The following LRP1B variants were observed in gnomAD, a reference collection of about 807,000 sequenced individuals.
LRP1B encodes the protein LDL receptor related protein 1B.
In LRP1B, 217 loss-of-function variants were observed where a neutral mutation model predicts 556.6. The ratio of observed to expected loss-of-function variants is 0.39; its 90% CI spans 0.35 to 0.44. The LOEUF (loss-of-function observed/expected upper bound fraction) is 0.44. Ranked by LOEUF, LRP1B falls within the 20% of genes least tolerant of loss-of-function variation. The pLI, the probability that LRP1B is intolerant of heterozygous loss-of-function variation, is 1.00. For synonymous variants in LRP1B, 2,047 were observed against 1,865.8 expected (o/e 1.10, Z -2.50); for missense variants, 5,053 against 5,620.8 (o/e 0.90, Z 3.23).
intron 2 of LRP1B, among the ~76,000 whole-genome samples, chr2:141,657,736 T>C (rs1036909160): frequency 6.6e-6 from 1 of 152,194 alleles, no homozygotes; most frequent in African/African-American, 2.4e-5. Flanking sequence ...TGTGTGTATC[T>C]GTGTGATTGT....
chr2:141,471,180 C>T (rs1451675641), intron 3 of LRP1B, among the ~76,000 whole-genome samples: 1 of 151,564 alleles, frequency 6.6e-6, no homozygotes, highest in Non-Finnish European at 1.5e-5. Context: ...ACCTGCTACA[C>T]ATATGCAACA....
rs969923498 is a variant in LRP1B, at chr2:141,726,660, A to G, written c.205+83619T>C. Among the ~76,000 whole-genome samples, 9 of 152,242 alleles carry G rather than the reference A, an allele frequency of 5.9e-5. No homozygotes were observed. The East Asian group carries it at 1.7e-3, about 29-fold the overall frequency. On this transcript the variant is annotated intron_variant, in intron 2 of 90. Coordinates refer to ENST00000389484, the MANE Select transcript of LRP1B (RefSeq NM_018557.3). ...TTGTAACTATCCAGAGAGTACTGGA[A>G]TCAAAAGCAATAAAGTCTGGTGGCT...
chr2:141,416,844 C>G (rs1691127076), intron 3 of LRP1B, among the ~76,000 whole-genome samples: 1 of 152,140 alleles, frequency 6.6e-6, no homozygotes, highest in Non-Finnish European at 1.5e-5. Context: ...TTGACCCTCT[C>G]CCTAGCCCTG....
chr2:141,551,205 T>C (rs534167470), intron 2 of LRP1B, among the ~76,000 whole-genome samples: 6 of 152,090 alleles, frequency 3.9e-5, no homozygotes, highest in African/African-American at 9.6e-5. Context: ...ATTGTGATAA[T>C]TGAAATAAAA....
In LRP1B at chr2:140,702,314, A is replaced by G. The variant is rs767833438; in HGVS notation, c.6151-22T>C. 45 of 1,611,468 alleles carry G rather than the reference A, an allele frequency of 2.8e-5. No individual in the cohort carries two copies. The African/African-American group carries it at 3.5e-4, about 12-fold the overall frequency. ...TTTCCTAAATATCGATTAAGAAGTA[A>G]CGTTACAGACTATATTTGATTGTTT... On this transcript the variant is annotated intron_variant, in intron 38 of 90. Coordinates refer to ENST00000389484, the MANE Select transcript of LRP1B (RefSeq NM_018557.3).
intron 1 of LRP1B, among the ~76,000 whole-genome samples, chr2:142,107,021 A>T (rs1043819783): frequency 2.0e-5 from 3 of 152,102 alleles, no homozygotes; most frequent in African/African-American, 2.4e-5. Flanking sequence ...TATAAAATTC[A>T]TATGTTTTTT....
chr2:141,901,121 G>A (rs1699606852), intron 1 of LRP1B, among the ~76,000 whole-genome samples: 1 of 152,022 alleles, frequency 6.6e-6, no homozygotes, highest in South Asian at 2.1e-4. Context: ...TATTCACTGA[G>A]CTCTTTCTCT....
Position 142,126,113 on chromosome 2 carries a change from C to T in LRP1B, c.82+4535G>A, listed in dbSNP as rs533835265. The stretch of plus-strand genomic sequence containing the variant: ...CTTCAAATTATAAGCATTGGGTATA[C>T]CATAATTATATTCATTTCAAAAGCA... On this transcript the variant is annotated intron_variant, in intron 1 of 90. Coordinates refer to ENST00000389484, the MANE Select transcript of LRP1B (RefSeq NM_018557.3). 6.1e-4 allele frequency among the ~76,000 whole-genome samples: 92 copies of T among 151,882 alleles called. 2 individuals are homozygous for T. The South Asian group carries it at 0.018, about 30-fold the overall frequency.
At chr2:140,599,750 G>T (rs1311496455) in intron 42 of LRP1B, among the ~76,000 whole-genome samples, 1 of 152,062 alleles carries the variant, frequency 6.6e-6, no homozygotes, top group East Asian at 1.9e-4. Context: ...TATAATAAGA[G>T]AATTTTAGAG....
chr2:141,609,554 A>G (rs1033734634), intron 2 of LRP1B, among the ~76,000 whole-genome samples: 3 of 152,228 alleles, frequency 2.0e-5, no homozygotes, highest in African/African-American at 7.2e-5. Flanking sequence ...AATATAACTC[A>G]CTTAATTGTA....
At chr2:140,967,566 C>G (rs977540364) in intron 18 of LRP1B, among the ~76,000 whole-genome samples, 2 of 152,142 alleles carry the variant, frequency 1.3e-5, no homozygotes, top group Admixed American at 6.5e-5. Flanking sequence ...GCCAGAACTT[C>G]CAACACTATG....
intron 3 of LRP1B, among the ~76,000 whole-genome samples, chr2:141,346,349 G>C (rs1459931462): frequency 6.6e-6 from 1 of 152,106 alleles, no homozygotes; most frequent in Non-Finnish European, 1.5e-5. Flanking sequence ...ATCTTTACAA[G>C]GGGGTGATCT....
chr2:142,104,591 A>AT (rs890203603), intron 1 of LRP1B, among the ~76,000 whole-genome samples: 16 of 152,158 alleles, frequency 1.1e-4, no homozygotes, highest in East Asian at 5.8e-4. Flanking sequence ...TCATAAAGGT[A>AT]TTTTTTTGAC....
At chr2:140,944,164 A>G (rs1456894370) in intron 20 of LRP1B, among the ~76,000 whole-genome samples, 1 of 152,128 alleles carries the variant, frequency 6.6e-6, no homozygotes, top group Non-Finnish European at 1.5e-5. Context: ...AAACTAGAAA[A>G]TCTAGAGGAA....
intron 21 of LRP1B, among the ~76,000 whole-genome samples, chr2:140,922,433 T>C (rs1694764982): frequency 6.6e-6 from 1 of 151,920 alleles, no homozygotes; most frequent in African/African-American, 2.4e-5. Flanking sequence ...ATCCTCCTCA[T>C]AATAGAAATA....
Position 141,189,578 on chromosome 2 carries a change from C to T in LRP1B, c.851-995G>A, listed in dbSNP as rs142209957. Among the ~76,000 whole-genome samples the T allele has an allele frequency of 5.6e-3, 845 of 151,994 alleles. 9 individuals carry two copies. The highest frequency in any genetic ancestry group is 0.019 in the African/African-American group (769 of 41,486). ...GAATCTGTACTACTGGGTTGCAATC[C>T]TCAAGCTTGGTCCCAATAAACTCTC... On this transcript the variant is annotated intron_variant, in intron 6 of 90. Coordinates refer to ENST00000389484, the MANE Select transcript of LRP1B (RefSeq NM_018557.3).
At chr2:141,195,621 T>G (rs544715725) in intron 6 of LRP1B, among the ~76,000 whole-genome samples, 3 of 152,238 alleles carry the variant, frequency 2.0e-5, no homozygotes, top group African/African-American at 7.2e-5. Flanking sequence ...CTGTTTTGGA[T>G]TCCTGAAATT....
chr2:141,126,938 G>A (rs113313955), intron 7 of LRP1B, among the ~76,000 whole-genome samples: 120 of 152,200 alleles, frequency 7.9e-4, no homozygotes, highest in African/African-American at 2.7e-3. Context: ...GTATACATGT[G>A]CCATGGTGGT....
chr2:141,717,082 T>A (rs1339960188), intron 2 of LRP1B, among the ~76,000 whole-genome samples: 1 of 152,104 alleles, frequency 6.6e-6, no homozygotes, highest in Non-Finnish European at 1.5e-5. Context: ...CTGATTTGAT[T>A]CCACTTTTAT....
Sources: gnomAD v4.1 joint callset for allele counts (sites outside exome capture counted in the v4.1 genomes callset) on GRCh38, gnomAD v4.1.1 for gene constraint, MANE v1.5 for transcripts, NCBI Gene and HGNC (gene_info 2026-07-23, HGNC 2026-07-21) for gene names.